EDEM3: variants seen among roughly 807,000 people sequenced by gnomAD.
EDEM3 encodes the protein ER degradation enhancing alpha-mannosidase like protein 3, also known as ER degradation-enhancing alpha-mannosidase-like protein 3.
EDEM3 carries 60 observed loss-of-function variants against 110.2 expected under a neutral mutation model. The observed-to-expected ratio is 0.54, with a 90% CI of 0.44 to 0.67. EDEM3 has a LOEUF of 0.67. EDEM3 is among the 30% of genes least tolerant of loss of function. EDEM3 has a pLI of 0.00. For synonymous variants in EDEM3, 352 were observed against 382.9 expected (o/e 0.92, Z 0.94); for missense variants, 996 against 1,121.0 (o/e 0.89, Z 1.59).
chr1:184,708,366 T>C (rs781527951), intron 16 of EDEM3, 22 bp from the exon 17 acceptor site: 74 of 1,608,498 alleles, frequency 4.6e-5, no homozygotes, highest in Non-Finnish European at 6.2e-5. Context: ...ACAAATTCAT[T>C]TTATCCTTCC....
chr1:184,720,641 G>C (rs1347334987), intron 9 of EDEM3: 1 of 151,648 alleles, frequency 6.6e-6, no homozygotes, highest in Non-Finnish European at 1.5e-5. Context: ...TAATCACCAT[G>C]TCATACTGTC....
chr1:184,719,289 G>T, intron 10 of EDEM3, 44 bp from the exon 11 acceptor site: 1 of 1,497,232 alleles, frequency 6.7e-7, no homozygotes, highest in Non-Finnish European at 9.0e-7. Flanking sequence ...AATATGAGCT[G>T]ATTTTATCTC....
chr1:184,729,200 T>C (rs1651361278), intron 6 of EDEM3, among the ~76,000 whole-genome samples: 1 of 152,138 alleles, frequency 6.6e-6, no homozygotes, highest in Non-Finnish European at 1.5e-5. Flanking sequence ...AGGAATAAAA[T>C]AAAGCATGAG....
chr1:184,749,616 G>GAAAAAA, intron 1 of EDEM3, 24 bp from the exon 2 acceptor site: 2 of 1,136,210 alleles, frequency 1.8e-6, no homozygotes, highest in Non-Finnish European at 2.4e-6. Flanking sequence ...AGCAGAAATG[G>GAAAAAA]AAAAAAAAAA....
At position 184,737,486 on chromosome 1, in the gene EDEM3, T is replaced by A. The variant is rs1651896474; in HGVS notation, c.305+125A>T. 1.2e-5 allele frequency: 9 copies of A among 741,054 alleles called. No individual in the cohort carries two copies. In the Admixed American group the frequency reaches 2.3e-4, roughly 19 times the overall value. 45.9% of individuals were successfully genotyped at this position (741,054 alleles called of 1,614,324 possible). A position where few individuals can be genotyped will look rare whatever the true frequency, so the allele number is the denominator to read the frequency against. Reference sequence around the variant, plus strand: ...CAGAAGGGAATAAAGGAGCATAATGTAATACATAAAACAGTCTTTAAAATT... The same window carrying A: ...CAGAAGGGAATAAAGGAGCATAATGAAATACATAAAACAGTCTTTAAAATT... On this transcript the variant is annotated intron_variant, in intron 3 of 19. Coordinates refer to ENST00000318130, the MANE Select transcript of EDEM3 (RefSeq NM_025191.4).
chr1:184,750,385 G>A (rs552632032), intron 1 of EDEM3, among the ~76,000 whole-genome samples: 4 of 152,294 alleles, frequency 2.6e-5, no homozygotes, highest in East Asian at 3.9e-4. Flanking sequence ...TGAGGAAGCA[G>A]CCTTTCAATT....
chr1:184,748,453 A>C (rs866252863), intron 2 of EDEM3, among the ~76,000 whole-genome samples: 30 of 152,060 alleles, frequency 2.0e-4, no homozygotes, highest in East Asian at 3.9e-4. Flanking sequence ...CGTCTCAAAA[A>C]AAAAAACAAA....
rs114568529 is a variant in EDEM3, at chr1:184,749,534, G to A, written c.204+13C>T. On this transcript the variant is annotated intron_variant, in intron 2 of 19. Coordinates refer to ENST00000318130, the MANE Select transcript of EDEM3 (RefSeq NM_025191.4). Reference sequence around the variant, plus strand: ...TCACATAAATGGTAGGTAAAGATAAGCTTCCTACTTACCATATAGTTACCA... The same window carrying A: ...TCACATAAATGGTAGGTAAAGATAAACTTCCTACTTACCATATAGTTACCA... 6 of 1,548,096 alleles carry A rather than the reference G, an allele frequency of 3.9e-6. No individual in the cohort carries two copies. In the African/African-American group the frequency reaches 5.7e-5, roughly 15 times the overall value.
chr1:184,754,027 C>T (rs1486091133), intron 1 of EDEM3, among the ~76,000 whole-genome samples: 1 of 152,220 alleles, frequency 6.6e-6, no homozygotes, highest in African/African-American at 2.4e-5. Flanking sequence ...GTTCAAGTTC[C>T]AATGAACGCC....
chr1:184,701,592 A>G lies in EDEM3; in HGVS notation c.2389+1219T>C, dbSNP rs779814076. 9.2e-6 allele frequency: 11 copies of G among 1,194,250 alleles called. No individual in the cohort carries two copies. In the South Asian group the frequency reaches 1.2e-4, roughly 13 times the overall value. 74.0% of individuals were successfully genotyped at this position (1,194,250 alleles called of 1,614,324 possible). ...AAATAGGGGGAAAAAAAGCAAATGC[A>G]TTAAAGAGTTACAAGAAATAATAAT... On this transcript the variant is annotated intron_variant, in intron 19 of 19. Coordinates refer to ENST00000318130, the MANE Select transcript of EDEM3 (RefSeq NM_025191.4).
intron 13 of EDEM3, among the ~76,000 whole-genome samples, 153 bp downstream of exon 13, chr1:184,716,735 G>GTTTGAAACTC (rs1650571997): frequency 6.6e-6 from 1 of 152,008 alleles, no homozygotes; most frequent in Admixed American, 6.6e-5. Context: ...ATTAAAATTA[G>GTTTGAAACTC]TGTATTCAAC....
At chr1:184,710,364 C>A in intron 16 of EDEM3, 30 bp downstream of exon 16, 2 of 1,602,818 alleles carry the variant, frequency 1.2e-6, no homozygotes, top group East Asian at 4.5e-5. Context: ...AGGGCAGAGA[C>A]GGTATCTAAT....
chr1:184,717,070 A>G (rs1009694161), intron 12 of EDEM3, 58 bp from the exon 13 acceptor site: 44 of 1,374,386 alleles, frequency 3.2e-5, no homozygotes, highest in Non-Finnish European at 4.0e-5. Flanking sequence ...CCACATATCC[A>G]TTCATTTACC....
At chr1:184,745,699 T>G (rs1015759145) in intron 2 of EDEM3, among the ~76,000 whole-genome samples, 3 of 152,146 alleles carry the variant, frequency 2.0e-5, no homozygotes, top group African/African-American at 7.2e-5. Flanking sequence ...TAAAGACTAT[T>G]CTACTGTTGC....
At chr1:184,736,034 A>G (rs889602463) in intron 4 of EDEM3, among the ~76,000 whole-genome samples, 3 of 152,190 alleles carry the variant, frequency 2.0e-5, no homozygotes, top group Admixed American at 6.5e-5. Flanking sequence ...TTAATCTCCA[A>G]AAAATGAAGC....
At chr1:184,708,472 A>C in intron 16 of EDEM3, 128 bp from the exon 17 acceptor site, 1 of 834,730 alleles carries the variant, frequency 1.2e-6, no homozygotes, top group South Asian at 1.7e-5. Flanking sequence ...GTCACCACCA[A>C]GTATTTATGA....
chr1:184,693,916 T>A lies in EDEM3; in HGVS notation c.*147A>T. The A allele has an allele frequency of 2.5e-6, 2 of 787,178 alleles. No individual in the cohort carries two copies. Among genetic ancestry groups the A allele is most frequent in the Non-Finnish European group, 3.9e-6 (2 of 507,526 alleles). The allele number at this position is 787,178 out of a possible 1,614,324, so 48.8% of individuals were successfully genotyped here. A position where few individuals can be genotyped will look rare whatever the true frequency, so the allele number is the denominator to read the frequency against. ...TCTAACACAGCATGCTCCAGATTCC[T>A]ACGATAACTACGCCAGTCAGAACGT... On this transcript the variant is annotated 3_prime_UTR_variant, in exon 20 of 20. Coordinates refer to ENST00000318130, the MANE Select transcript of EDEM3 (RefSeq NM_025191.4).
At chr1:184,704,026 A>G (rs1649775202) in intron 18 of EDEM3, among the ~76,000 whole-genome samples, 1 of 152,242 alleles carries the variant, frequency 6.6e-6, no homozygotes, top group African/African-American at 2.4e-5. Context: ...AGGTAGAGAT[A>G]CAGAGAGAAA....
intron 6 of EDEM3, among the ~76,000 whole-genome samples, chr1:184,729,768 A>T (rs1651396298): frequency 6.6e-6 from 1 of 152,336 alleles, no homozygotes; most frequent in East Asian, 1.9e-4. Context: ...ACTTCAGAGT[A>T]TAAGAAAATA....
Sources: allele counts gnomAD v4.1 joint callset (sites outside exome capture counted in the v4.1 genomes callset), GRCh38; gene constraint gnomAD v4.1.1; transcripts MANE v1.5; gene names NCBI Gene and HGNC (gene_info 2026-07-23, HGNC 2026-07-21).